CCSER1: variants seen among roughly 807,000 people sequenced by gnomAD.
CCSER1 encodes the protein coiled-coil serine rich protein 1, also known as serine-rich coiled-coil domain-containing protein 1.
A neutral mutation model predicts 82.0 loss-of-function variants in CCSER1; 41 were observed. That is an observed-to-expected ratio of 0.50 (90% CI 0.39 to 0.65). The LOEUF (loss-of-function observed/expected upper bound fraction) is 0.65, where lower values mean the gene tolerates loss of function less well. Ranked by LOEUF, CCSER1 falls within the 30% of genes least tolerant of loss-of-function variation. The pLI is 0.00. For missense variants in CCSER1, 1,119 were observed against 1,064.2 expected (o/e 1.05, Z -0.72); for synonymous variants, 414 against 383.9 (o/e 1.08, Z -0.92).
chr4:90,881,091 T>A (rs1721243465), intron 8 of CCSER1, among the ~76,000 whole-genome samples: 1 of 151,828 alleles, frequency 6.6e-6, no homozygotes, highest in Non-Finnish European at 1.5e-5. Flanking sequence ...AACATAAGTA[T>A]GATTTCTTAT....
chr4:90,882,467 T>G lies in CCSER1; in HGVS notation c.2095-40903T>G, dbSNP rs969038834. 7.2e-5 allele frequency among the ~76,000 whole-genome samples: 11 copies of G among 152,224 alleles called. 1 individual carries two copies. Among genetic ancestry groups the G allele is most frequent in the Admixed American group, 3.9e-4 (6 of 15,284 alleles). On this transcript the variant is annotated intron_variant, in intron 8 of 10. Transcript: ENST00000509176. The stretch of plus-strand genomic sequence containing the variant: ...GGCATTTTTTTCTGAAACTTTTATA[T>G]TTTTCATTTATATGCTGTGAATATA...
intron 10 of CCSER1, among the ~76,000 whole-genome samples, chr4:91,310,375 A>G (rs931914207): frequency 6.7e-6 from 1 of 148,270 alleles, no homozygotes; most frequent in Admixed American, 6.9e-5. Context: ...AACACTAACA[A>G]TAGCTGATGA....
At chr4:90,866,608 G>A (rs1325751740) in intron 8 of CCSER1, among the ~76,000 whole-genome samples, 1 of 152,012 alleles carries the variant, frequency 6.6e-6, no homozygotes, top group Non-Finnish European at 1.5e-5. Flanking sequence ...AAATTTTCTT[G>A]TGTGTAGCAA....
At chr4:90,579,982 A>G (rs1413816920) in intron 5 of CCSER1, among the ~76,000 whole-genome samples, 2 of 152,144 alleles carry the variant, frequency 1.3e-5, no homozygotes, top group African/African-American at 4.8e-5. Flanking sequence ...ATAGTAAGTG[A>G]AAATAAAAAA....
At chr4:91,404,697 G>T (rs1345212111) in intron 10 of CCSER1, among the ~76,000 whole-genome samples, 1 of 152,184 alleles carries the variant, frequency 6.6e-6, no homozygotes. Context: ...CCATGTTGTT[G>T]AGGGGTTTTG....
intron 10 of CCSER1, among the ~76,000 whole-genome samples, chr4:91,587,031 A>G (rs972553334): frequency 5.3e-5 from 8 of 151,816 alleles, no homozygotes; most frequent in Admixed American, 4.6e-4. Flanking sequence ...TGGGAGATGC[A>G]ATCTCTTTTA....
chr4:91,353,264 C>A (rs1404604587), intron 10 of CCSER1, among the ~76,000 whole-genome samples: 1 of 151,774 alleles, frequency 6.6e-6, no homozygotes, highest in East Asian at 2.0e-4. Context: ...GGGCTCACAA[C>A]ACTAAAGATT....
At chr4:90,574,199 G>T (rs1278794081) in intron 5 of CCSER1, among the ~76,000 whole-genome samples, 1 of 147,690 alleles carries the variant, frequency 6.8e-6, no homozygotes, top group African/African-American at 2.5e-5. Flanking sequence ...GTTTACATTG[G>T]CATTATAAAT....
chr4:90,344,031 C>G (rs1382368892), intron 3 of CCSER1, among the ~76,000 whole-genome samples: 1 of 152,138 alleles, frequency 6.6e-6, no homozygotes, highest in Non-Finnish European at 1.5e-5. Context: ...ACTCCCCTCC[C>G]CAAGTCCACT....
intron 10 of CCSER1, among the ~76,000 whole-genome samples, chr4:91,288,890 C>T (rs941025364): frequency 5.9e-5 from 9 of 152,102 alleles, no homozygotes; most frequent in Non-Finnish European, 1.2e-4. Flanking sequence ...AACGTAGTGC[C>T]TGCTTTAAGA....
At chr4:91,460,842 C>G (rs1756462180) in intron 10 of CCSER1, among the ~76,000 whole-genome samples, 1 of 152,022 alleles carries the variant, frequency 6.6e-6, no homozygotes, top group Admixed American at 6.6e-5. Context: ...TTGCTTTCAC[C>G]ACAAATCCCA....
At chr4:90,518,929 G>T (rs1772675511) in intron 5 of CCSER1, among the ~76,000 whole-genome samples, 1 of 151,818 alleles carries the variant, frequency 6.6e-6, no homozygotes. Flanking sequence ...GTAGCAGACA[G>T]TATTTGGGCT....
At chr4:90,684,127 A>T (rs1734382291) in intron 6 of CCSER1, among the ~76,000 whole-genome samples, 1 of 152,190 alleles carries the variant, frequency 6.6e-6, no homozygotes. Flanking sequence ...CAAAATTAGA[A>T]AAGTTGTTAT....
intron 4 of CCSER1, among the ~76,000 whole-genome samples, chr4:90,450,575 A>T (rs1761308856): frequency 6.6e-6 from 1 of 152,108 alleles, no homozygotes; most frequent in South Asian, 2.1e-4. Context: ...TGATTTCTTT[A>T]CTCTGGTACT....
chr4:90,546,872 T>G (rs1776825010), intron 5 of CCSER1, among the ~76,000 whole-genome samples: 1 of 152,076 alleles, frequency 6.6e-6, no homozygotes, highest in African/African-American at 2.4e-5. Flanking sequence ...GTTTACCTTA[T>G]TTTTTATTCA....
At chr4:90,866,688 C>G (rs886510899) in intron 8 of CCSER1, among the ~76,000 whole-genome samples, 9 of 152,012 alleles carry the variant, frequency 5.9e-5, no homozygotes, top group Non-Finnish European at 1.2e-4. Flanking sequence ...AAAACCACTT[C>G]CACTTCACTA....
intron 1 of CCSER1, among the ~76,000 whole-genome samples, chr4:90,176,406 C>T (rs183891976): frequency 1.3e-5 from 2 of 151,970 alleles, no homozygotes; most frequent in Non-Finnish European, 2.9e-5. Context: ...AAGGACAGAC[C>T]ATGGCTTGTC....
intron 8 of CCSER1, among the ~76,000 whole-genome samples, chr4:90,885,551 C>CT (rs2150090446): frequency 6.6e-6 from 1 of 152,162 alleles, no homozygotes. Context: ...GATGTTTCTC[C>CT]TTTTTGGCCC....
chr4:91,544,963 G>T (rs1023867859), intron 10 of CCSER1, among the ~76,000 whole-genome samples: 1 of 151,994 alleles, frequency 6.6e-6, no homozygotes. Flanking sequence ...CATCCAGTTC[G>T]AGCTTCCTAG....
Sources: allele counts gnomAD v4.1 joint callset (sites outside exome capture counted in the v4.1 genomes callset), GRCh38; gene constraint gnomAD v4.1.1; transcripts MANE v1.5; gene names NCBI Gene and HGNC (gene_info 2026-07-23, HGNC 2026-07-21).